The following CHRM3 variants were observed in gnomAD, a reference collection of about 807,000 sequenced individuals.
The protein encoded by CHRM3 is muscarinic acetylcholine receptor M3.
CHRM3 carries 11 observed loss-of-function variants against 41.8 expected under a neutral mutation model. That is an observed-to-expected ratio of 0.26 (90% CI 0.17 to 0.44). The LOEUF (loss-of-function observed/expected upper bound fraction) is 0.44, where lower values mean the gene tolerates loss of function less well. Among genes scored for constraint, CHRM3 ranks in the 20% least tolerant of loss-of-function variants. The pLI, the probability that CHRM3 is intolerant of heterozygous loss-of-function variation, is 1.00. For missense variants in CHRM3, 571 were observed against 745.4 expected (o/e 0.77, Z 2.72); for synonymous variants, 297 against 301.4 (o/e 0.99, Z 0.15).
At chr1:239,601,339 A>T (rs72758703) in intron 3 of CHRM3, among the ~76,000 whole-genome samples, 2,616 of 152,250 alleles carry the variant, frequency 0.017, 29 homozygotes, top group Middle Eastern at 0.037. Context: ...CAAGCAAATA[A>T]TTTTTTTGAC....
intron 5 of CHRM3, among the ~76,000 whole-genome samples, chr1:239,778,056 A>G (rs1289588029): frequency 6.6e-6 from 1 of 152,150 alleles, no homozygotes; most frequent in Non-Finnish European, 1.5e-5. Flanking sequence ...AGAAATCACC[A>G]CTAAAGAACT....
At chr1:239,769,541 C>T (rs76250538) in intron 5 of CHRM3, among the ~76,000 whole-genome samples, 8,133 of 152,252 alleles carry the variant, frequency 0.053, 304 homozygotes, top group Non-Finnish European at 0.087. Context: ...TTGACTTTGT[C>T]GCTGTAGCTC....
At chr1:239,459,793 G>A (rs948148149) in intron 1 of CHRM3, among the ~76,000 whole-genome samples, 1 of 152,052 alleles carries the variant, frequency 6.6e-6, no homozygotes, top group South Asian at 2.1e-4. Context: ...TTCTCCAAAC[G>A]ATTCTTATTA....
At chr1:239,592,056 C>T (rs896907398) in intron 3 of CHRM3, among the ~76,000 whole-genome samples, 1 of 152,246 alleles carries the variant, frequency 6.6e-6, no homozygotes, top group Admixed American at 6.5e-5. Flanking sequence ...TCCAGAATTC[C>T]AGTCTTTTAT....
chr1:239,850,022 C>T (rs1674575446), intron 6 of CHRM3, among the ~76,000 whole-genome samples: 1 of 151,990 alleles, frequency 6.6e-6, no homozygotes, highest in African/African-American at 2.4e-5. Flanking sequence ...ACAGCTGACC[C>T]TTGAGCAACA....
intron 4 of CHRM3, among the ~76,000 whole-genome samples, chr1:239,658,646 CA>C (rs1672924281): frequency 6.6e-6 from 1 of 152,076 alleles, no homozygotes; most frequent in South Asian, 2.1e-4. Context: ...TGCACATTAT[CA>C]AAGATTTTTA....
At chr1:239,715,072 A>G (rs1662201732) in intron 5 of CHRM3, among the ~76,000 whole-genome samples, 1 of 152,128 alleles carries the variant, frequency 6.6e-6, no homozygotes, top group Non-Finnish European at 1.5e-5. Context: ...GAATTATAAG[A>G]TGGGAGTGGC....
At chr1:239,486,842 T>A (rs1667214004) in intron 1 of CHRM3, among the ~76,000 whole-genome samples, 1 of 152,202 alleles carries the variant, frequency 6.6e-6, no homozygotes, top group African/African-American at 2.4e-5. Flanking sequence ...CGTACGGTAA[T>A]GGGAAGGTTA....
Position 239,595,318 on chromosome 1 carries a change from A to G in CHRM3, c.-312-36906A>G, listed in dbSNP as rs575465975. 2.0e-5 allele frequency among the ~76,000 whole-genome samples: 3 copies of G among 152,336 alleles called. No homozygotes were observed. In the East Asian group the frequency reaches 5.8e-4, roughly 29 times the overall value. ...ACGGACTTGAGCATCCCCAGGTTTC[A>G]GTATCCTCAGGTGGTCCTGGAACCC... is the stretch of plus-strand genomic sequence containing the variant. On this transcript the variant is annotated intron_variant, in intron 3 of 6. Transcript: ENST00000676153.
chr1:239,863,195 T>C (rs552804705), intron 6 of CHRM3, among the ~76,000 whole-genome samples: 1 of 152,300 alleles, frequency 6.6e-6, no homozygotes. Context: ...GGTTCTTAAG[T>C]TGCAAGAAAG....
intron 6 of CHRM3, among the ~76,000 whole-genome samples, chr1:239,903,700 T>C (rs1199425805): frequency 6.6e-6 from 1 of 152,180 alleles, no homozygotes; most frequent in Non-Finnish European, 1.5e-5. Context: ...CCTTCATGCC[T>C]TTCCTCTATG....
chr1:239,451,531 G>C (rs1374528362), intron 1 of CHRM3, among the ~76,000 whole-genome samples: 15 of 152,204 alleles, frequency 9.9e-5, no homozygotes, highest in African/African-American at 3.4e-4. Flanking sequence ...TGGTGTACCG[G>C]GGTAATAGCA....
At position 239,914,101 on chromosome 1, in the gene CHRM3, G is replaced by A. The variant is rs1216237378; in HGVS notation, c.*4877G>A. ...ACTTCCCGCACCCAAATTATAATCC[G>A]GCAACCCTAGCTTCAGCTAAAAAGA... On this transcript the variant is annotated 3_prime_UTR_variant, in exon 7 of 7. Transcript: ENST00000676153. 1 of 166,954 alleles carries A rather than the reference G, an allele frequency of 6.0e-6. No homozygotes were observed. Among genetic ancestry groups the A allele is most frequent in the East Asian group, 1.9e-4 (1 of 5,194 alleles). The allele number at this position is 166,954 out of a possible 1,614,324, so 10.3% of individuals were successfully genotyped here. A position where few individuals can be genotyped will look rare whatever the true frequency, so the allele number is the denominator to read the frequency against.
intron 1 of CHRM3, among the ~76,000 whole-genome samples, chr1:239,488,871 C>G (rs897118734): frequency 6.6e-6 from 1 of 151,480 alleles, no homozygotes; most frequent in African/African-American, 2.4e-5. Flanking sequence ...AATTGTTAGG[C>G]ATTTTGTATG....
At chr1:239,654,402 T>C (rs1211287921) in intron 4 of CHRM3, among the ~76,000 whole-genome samples, 3 of 152,156 alleles carry the variant, frequency 2.0e-5, no homozygotes, top group Non-Finnish European at 4.4e-5. Context: ...TCACATACTG[T>C]TTTGTTTTGC....
chr1:239,600,801 C>T (rs1161910800), intron 3 of CHRM3, among the ~76,000 whole-genome samples: 1 of 143,844 alleles, frequency 7.0e-6, no homozygotes, highest in Non-Finnish European at 1.5e-5. Context: ...CTTTTCTTTC[C>T]TTCCTTCCTT....
chr1:239,470,042 C>T (rs371031785), intron 1 of CHRM3, among the ~76,000 whole-genome samples: 1 of 151,910 alleles, frequency 6.6e-6, no homozygotes, highest in Non-Finnish European at 1.5e-5. Context: ...GTGAATGTGA[C>T]CTTATTTGGA....
chr1:239,595,720 A>G (rs560354843), intron 3 of CHRM3, among the ~76,000 whole-genome samples: 4 of 152,260 alleles, frequency 2.6e-5, no homozygotes, highest in African/African-American at 9.6e-5. Context: ...ACTTATTTAA[A>G]CCATTTCACT....
chr1:239,533,192 C>T (rs1488454173), intron 2 of CHRM3, among the ~76,000 whole-genome samples: 1 of 152,106 alleles, frequency 6.6e-6, no homozygotes, highest in Non-Finnish European at 1.5e-5. Flanking sequence ...AGCTAAACTT[C>T]CCATGATTGT....
Sources: gnomAD v4.1 joint callset for allele counts (sites outside exome capture counted in the v4.1 genomes callset) on GRCh38, gnomAD v4.1.1 for gene constraint, MANE v1.5 for transcripts, NCBI Gene and HGNC (gene_info 2026-07-23, HGNC 2026-07-21) for gene names.